NF1: variants seen among roughly 807,000 people sequenced by gnomAD.
NF1 encodes neurofibromin.
In NF1, 122 loss-of-function variants were observed where a neutral mutation model predicts 325.7. The ratio of observed to expected loss-of-function variants is 0.37; its 90% CI spans 0.32 to 0.44. NF1 has a LOEUF of 0.44. Among genes scored for constraint, NF1 ranks in the 20% least tolerant of loss-of-function variants. The pLI is 1.00. For synonymous variants in NF1, 1,091 were observed against 1,186.0 expected (o/e 0.92, Z 1.65); for missense variants, 2,140 against 3,415.4 (o/e 0.63, Z 9.31).
intron 39 of NF1, chr17:31,330,912 T>C (rs2069468868): frequency 5.6e-6 from 1 of 179,694 alleles, no homozygotes; most frequent in Non-Finnish European, 1.2e-5. Flanking sequence ...AATGAATTTA[T>C]TGTAAATGTA....
At chr17:31,266,528 A>G (rs1426680588) in intron 36 of NF1, among the ~76,000 whole-genome samples, 1 of 152,158 alleles carries the variant, frequency 6.6e-6, no homozygotes, top group Non-Finnish European at 1.5e-5. Flanking sequence ...TAAATTGCCT[A>G]AGATCATTTT....
chr17:31,260,141 T>C lies in NF1; in HGVS notation c.4431-228T>C, dbSNP rs2067658153. The stretch of plus-strand genomic sequence containing the variant: ...GTTTCATCCATCTTAATTTTGTTGT[T>C]GTTTAACTTCAGAGCCTACTTTGAA... On this transcript the variant is annotated intron_variant, in intron 33 of 57. Transcript: ENST00000358273. Among the ~76,000 whole-genome samples the C allele has an allele frequency of 2.0e-5, 3 of 152,206 alleles. No individual in the cohort carries two copies. The South Asian group carries it at 6.2e-4, about 32-fold the overall frequency.
In NF1 at chr17:31,221,330, G is replaced by C. The variant is rs146550302; in HGVS notation, c.1642-520G>C. 5.0e-4 allele frequency among the ~76,000 whole-genome samples: 76 copies of C among 152,184 alleles called. 1 individual carries two copies. The East Asian group carries it at 0.013, about 26-fold the overall frequency. ...TGAAATACTTTAGAATGGATAATCTGCTATGAAATACTGAATCCATTTTGC... is the reference window on the plus strand; with the variant it reads ...TGAAATACTTTAGAATGGATAATCTCCTATGAAATACTGAATCCATTTTGC... On this transcript the variant is annotated intron_variant, in intron 14 of 57. Coordinates refer to ENST00000358273, the MANE Select transcript of NF1 (RefSeq NM_001042492.3).
chr17:31,235,532 A>G, intron 27 of NF1, 79 bp from the exon 28 acceptor site: 2 of 1,544,726 alleles, frequency 1.3e-6, no homozygotes. Flanking sequence ...TTGGGTTTAC[A>G]TTTTTGCTAC....
At chr17:31,327,905 A>G in intron 38 of NF1, 66 bp downstream of exon 38, 1 of 1,458,542 alleles carries the variant, frequency 6.9e-7, no homozygotes, top group Non-Finnish European at 9.6e-7. Context: ...AGACCATTTA[A>G]TGAATTTTAA....
chr17:31,172,343 GTCTCTCTGTCTCTC>G (rs1170894664), intron 5 of NF1, among the ~76,000 whole-genome samples: 4 of 142,966 alleles, frequency 2.8e-5, no homozygotes, highest in African/African-American at 1.1e-4. Context: ...CTGTCTCTCT[GTCTCTCTGTCTCTC>G]TCTCTCTCTC....
chr17:31,181,800 GA>G lies in NF1; in HGVS notation c.730+16del. The G allele has an allele frequency of 6.8e-7, 1 of 1,464,726 alleles. No homozygotes were observed. 90.7% of individuals were successfully genotyped at this position (1,464,726 alleles called of 1,614,324 possible). Reference sequence around the variant, plus strand: ...TGATATGGCTGGTAAGGATACGATTGATTTTTTTTTTTTTTTTGTCTTTTAA... The same window carrying G: ...TGATATGGCTGGTAAGGATACGATTGTTTTTTTTTTTTTTTTGTCTTTTAA... On this transcript the variant is annotated intron_variant, in intron 7 of 57. Coordinates refer to ENST00000358273, the MANE Select transcript of NF1 (RefSeq NM_001042492.3).
At chr17:31,184,662 A>T (rs199985907) in intron 8 of NF1, among the ~76,000 whole-genome samples, 3,583 of 146,900 alleles carry the variant, frequency 0.024, 94 homozygotes, top group Admixed American at 0.04. Flanking sequence ...AAAAAAAATA[A>T]AAAAAAAAAA....
intron 24 of NF1, among the ~76,000 whole-genome samples, chr17:31,231,812 A>G (rs896933361): frequency 1.3e-5 from 2 of 152,054 alleles, no homozygotes; most frequent in Non-Finnish European, 2.9e-5. Context: ...CCCATTGTAC[A>G]TGCTTCTGAT....
intron 57 of NF1, among the ~76,000 whole-genome samples, chr17:31,372,215 C>T (rs2070655555): frequency 6.6e-6 from 1 of 152,126 alleles, no homozygotes; most frequent in African/African-American, 2.4e-5. Flanking sequence ...TGGCTTCTGA[C>T]AGAGATAAAA....
In NF1 at chr17:31,342,988, T is replaced by G. The variant is rs781476118; in HGVS notation, c.7063-21T>G. 7.4e-6 allele frequency: 12 copies of G among 1,613,824 alleles called. 1 individual carries two copies. The Middle Eastern group carries it at 1.2e-3, about 155-fold the overall frequency. On this transcript the variant is annotated intron_variant, in intron 47 of 57. Coordinates refer to ENST00000358273, the MANE Select transcript of NF1 (RefSeq NM_001042492.3). ...GCTACTGTGTGAACCTCATCAACCA[T>G]CTCATGATTATCTTTAATAGAGTCC...
chr17:31,318,741 T>G, intron 36 of NF1: 1 of 1,614,092 alleles, frequency 6.2e-7, no homozygotes. Flanking sequence ...AAAGCTCCTG[T>G]TCAGATTTAG....
At chr17:31,329,463 A>G (rs1354025174) in intron 38 of NF1, among the ~76,000 whole-genome samples, 2 of 152,224 alleles carry the variant, frequency 1.3e-5, no homozygotes, top group East Asian at 1.9e-4. Context: ...TGTTGCATCA[A>G]TATAGTAGCA....
intron 47 of NF1, among the ~76,000 whole-genome samples, chr17:31,341,503 A>G (rs2069819558): frequency 6.6e-6 from 1 of 152,080 alleles, no homozygotes; most frequent in Non-Finnish European, 1.5e-5. Context: ...AGCTTGGGCA[A>G]CAGAGCAAGA....
intron 1 of NF1, among the ~76,000 whole-genome samples, chr17:31,109,794 T>G (rs748926364): frequency 2.6e-5 from 4 of 152,374 alleles, no homozygotes; most frequent in Non-Finnish European, 5.9e-5. Context: ...CTTGTTCTTC[T>G]TTCCTCATCT....
At chr17:31,242,273 A>G (rs2067308901) in intron 29 of NF1, among the ~76,000 whole-genome samples, 1 of 132,690 alleles carries the variant, frequency 7.5e-6, no homozygotes, top group African/African-American at 2.8e-5. Flanking sequence ...TTGAATATTG[A>G]TAAATATCTT....
At chr17:31,366,961 T>G (rs1567631478) in intron 57 of NF1, among the ~76,000 whole-genome samples, 1 of 152,146 alleles carries the variant, frequency 6.6e-6, no homozygotes, top group Non-Finnish European at 1.5e-5. Flanking sequence ...TAAATCTAAT[T>G]TTTAGCTTAA....
At chr17:31,202,107 GTC>G (rs1175515046) in intron 11 of NF1, among the ~76,000 whole-genome samples, 1 of 152,156 alleles carries the variant, frequency 6.6e-6, no homozygotes, top group African/African-American at 2.4e-5. Flanking sequence ...CTTCAACTCT[GTC>G]TGATGTGGAG....
At chr17:31,269,693 G>A (rs2067856033) in intron 36 of NF1, among the ~76,000 whole-genome samples, 1 of 152,170 alleles carries the variant, frequency 6.6e-6, no homozygotes, top group Non-Finnish European at 1.5e-5. Context: ...TTATTCCCAA[G>A]CAGCTGCTCC....
Sources: gnomAD v4.1 joint callset for allele counts (sites outside exome capture counted in the v4.1 genomes callset) on GRCh38, gnomAD v4.1.1 for gene constraint, MANE v1.5 for transcripts, NCBI Gene and HGNC (gene_info 2026-07-23, HGNC 2026-07-21) for gene names.